ADGRG4: variants seen among roughly 807,000 people sequenced by gnomAD.
ADGRG4 encodes G protein-coupled receptor 112.
In ADGRG4, 122 loss-of-function variants were observed where a neutral mutation model predicts 126.2. That is an observed-to-expected ratio of 0.97 (90% CI 0.83 to 1.12). The LOEUF is 1.12. Among genes scored for constraint, ADGRG4 ranks in the 50% most tolerant of loss-of-function variants. The pLI, the probability that ADGRG4 is intolerant of heterozygous loss-of-function variation, is 0.00. For synonymous variants in ADGRG4, 943 were observed against 838.7 expected, an observed-to-expected ratio of 1.12 and a Z score of -2.15; for missense variants, 2,481 against 2,251.8, an observed-to-expected ratio of 1.10 and a Z score of -2.06.
intron 4 of ADGRG4, among the ~76,000 whole-genome samples, chrX:136,318,118 A>G (rs760749479): frequency 1.8e-5 from 2 of 112,764 alleles, no homozygotes; most frequent in African/African-American, 3.2e-5. Flanking sequence ...ACTATTCATA[A>G]TAGCCAAAAG....
intron 5 of ADGRG4, among the ~76,000 whole-genome samples, chrX:136,342,921 T>TGTGTGTGAGA (rs1251871214): frequency 1.2e-4 from 10 of 84,307 alleles, no homozygotes; most frequent in African/African-American, 1.9e-4. Context: ...TGTGTGTGTG[T>TGTGTGTGAGA]GAGAGAGAGA....
intron 11 of ADGRG4, among the ~76,000 whole-genome samples, chrX:136,361,035 G>A (rs1010688055): frequency 7.3e-5 from 8 of 110,285 alleles, no homozygotes; most frequent in African/African-American, 2.6e-4. Context: ...AATGTCAGGT[G>A]AGGTGGCTAA....
chrX:136,360,901 A>G (rs976800268), intron 11 of ADGRG4, among the ~76,000 whole-genome samples: 1 of 111,981 alleles, frequency 8.9e-6, no homozygotes, highest in Non-Finnish European at 1.9e-5. Flanking sequence ...TAAAACTGCT[A>G]ACAGTGGGTA....
rs138890853 is a variant in ADGRG4, at chrX:136,410,309, C to T, written c.8936-1956C>T. Among the ~76,000 whole-genome samples the T allele has an allele frequency of 8.3e-3, 918 of 111,244 alleles. 8 individuals are homozygous for T. The highest frequency in any genetic ancestry group is 0.014 in the Middle Eastern group (3 of 216). ...GCTTTTTTTCACTATCCTTCTTCAC[C>T]GTATTCTTGAATACTTCTGTTTGTC... is the stretch of plus-strand genomic sequence containing the variant. On this transcript the variant is annotated intron_variant, in intron 23 of 25. Transcript: ENST00000394143.
At chrX:136,396,972 G>T (rs2075352929) in intron 19 of ADGRG4, among the ~76,000 whole-genome samples, 1 of 109,848 alleles carries the variant, frequency 9.1e-6, no homozygotes, top group African/African-American at 3.3e-5. Context: ...TATTTTTTAA[G>T]TAGGGACGGG....
intron 25 of ADGRG4, among the ~76,000 whole-genome samples, chrX:136,416,043 C>T (rs184749793): frequency 1.8e-5 from 2 of 111,843 alleles, no homozygotes; most frequent in East Asian, 5.6e-4. Flanking sequence ...AAATCATGCC[C>T]TCTGTACCAC....
chrX:136,315,463 T>A (rs1294377218), intron 4 of ADGRG4, among the ~76,000 whole-genome samples: 1 of 110,635 alleles, frequency 9.0e-6, no homozygotes, highest in Admixed American at 9.6e-5. Context: ...AGACATGGAG[T>A]AGCCTTGGTA....
chrX:136,317,410 G>T (rs1485430356), intron 4 of ADGRG4, among the ~76,000 whole-genome samples: 3 of 103,103 alleles, frequency 2.9e-5, no homozygotes, highest in Middle Eastern at 4.9e-3. Context: ...TGAGGCAGGA[G>T]AATTGCTTGA....
intron 5 of ADGRG4, 64 bp from the exon 6 acceptor site, chrX:136,344,328 T>G (rs1440975910): frequency 2.9e-6 from 2 of 697,058 alleles, no homozygotes; most frequent in Non-Finnish European, 4.2e-6. Context: ...TATAGAGCTC[T>G]TTCTAGTTGT....
At chrX:136,384,002 G>T (rs766068755) in intron 15 of ADGRG4, among the ~76,000 whole-genome samples, 5 of 108,985 alleles carry the variant, frequency 4.6e-5, no homozygotes, top group Non-Finnish European at 9.5e-5. Flanking sequence ...AGCGATTCTC[G>T]TGCCTCAGCC....
chrX:136,380,587 T>C (rs1007460409), intron 15 of ADGRG4, among the ~76,000 whole-genome samples: 1 of 80,974 alleles, frequency 1.2e-5, no homozygotes, highest in African/African-American at 4.6e-5. Context: ...TTCCTCCTCC[T>C]CCTCCTCCTC....
chrX:136,375,408 G>C (rs958853119), intron 15 of ADGRG4, among the ~76,000 whole-genome samples: 1 of 111,879 alleles, frequency 8.9e-6, no homozygotes, highest in Non-Finnish European at 1.9e-5. Flanking sequence ...CCCAGTAGTG[G>C]GATTGCTAGA....
intron 23 of ADGRG4, among the ~76,000 whole-genome samples, chrX:136,410,043 A>T (rs944588035): frequency 8.9e-6 from 1 of 112,526 alleles, no homozygotes; most frequent in Non-Finnish European, 1.9e-5. Flanking sequence ...GACTAATAGT[A>T]CAATGCCTGC....
At position 136,345,517 on chromosome X, in the gene ADGRG4, C is replaced by A. The variant is rs144969131; in HGVS notation, c.1811C>A (p.Thr604Lys). ...VAETMLSSTI[T>K]GRVYTQNTPT... ...GAAACTATGCTTTCCTCCACAATCACAGGACGAGTTTACACCCAGAATACA... is the reference window on the plus strand; with the variant it reads ...GAAACTATGCTTTCCTCCACAATCAAAGGACGAGTTTACACCCAGAATACA... Residue 604 changes from threonine (T) to lysine (K), a missense_variant, in exon 6 of 26, where the codon ACA becomes AAA. Coordinates refer to ENST00000394143, the MANE Select transcript of ADGRG4 (RefSeq NM_153834.4). The A allele has an allele frequency of 1.7e-6, 2 of 1,210,490 alleles. No homozygotes were observed. The highest frequency in any genetic ancestry group is 3.5e-5 in the African/African-American group (2 of 57,695).
chrX:136,322,318 CA>C (rs899098251), intron 4 of ADGRG4, among the ~76,000 whole-genome samples: 4 of 112,003 alleles, frequency 3.6e-5, no homozygotes, highest in African/African-American at 1.3e-4. Context: ...CAGGAAAAGG[CA>C]TTGGAGAAAC....
chrX:136,366,008 G>A (rs952159962), intron 13 of ADGRG4, among the ~76,000 whole-genome samples: 3 of 112,123 alleles, frequency 2.7e-5, no homozygotes, highest in Non-Finnish European at 5.6e-5. Context: ...TGGTATGTTT[G>A]TTACAATTGA....
chrX:136,363,367 G>A (rs1242280059), intron 12 of ADGRG4, 110 bp from the exon 13 acceptor site: 8 of 558,671 alleles, frequency 1.4e-5, no homozygotes, highest in Non-Finnish European at 2.5e-5. Context: ...TCTATGCCAG[G>A]AGGCTTGGGG....
At position 136,308,573 on chromosome X, in the gene ADGRG4, A is replaced by G. The variant is rs188219818; in HGVS notation, c.-9-196A>G. 4.0e-3 allele frequency among the ~76,000 whole-genome samples: 444 copies of G among 112,262 alleles called. 1 individual carries two copies. The highest frequency in any genetic ancestry group is 0.012 in the African/African-American group (376 of 30,949). ...AATAAAATTTATTGAGCTAGTATAT[A>G]GATAAATCCATCAGTGAGGTTTCAG... On this transcript the variant is annotated intron_variant, in intron 3 of 25. Transcript: ENST00000394143.
intron 15 of ADGRG4, among the ~76,000 whole-genome samples, chrX:136,377,390 C>T (rs2075234377): frequency 9.1e-6 from 1 of 109,541 alleles, no homozygotes; most frequent in African/African-American, 3.3e-5. Flanking sequence ...ATGGGGCTCT[C>T]ACTTTGTTGC....
Sources: gnomAD v4.1 joint callset for allele counts (sites outside exome capture counted in the v4.1 genomes callset) on GRCh38, gnomAD v4.1.1 for gene constraint, MANE v1.5 for transcripts, NCBI Gene and HGNC (gene_info 2026-07-23, HGNC 2026-07-21) for gene names.